The following COL8A1 variants were observed in gnomAD, a reference collection of about 807,000 sequenced individuals.
COL8A1 encodes the protein collagen type VIII alpha 1 chain.
In COL8A1, 21 loss-of-function variants were observed where a neutral mutation model predicts 42.7. That is an observed-to-expected ratio of 0.49 (90% CI 0.35 to 0.71). The LOEUF (loss-of-function observed/expected upper bound fraction) is 0.71, where lower values mean the gene tolerates loss of function less well. Ranked by LOEUF, COL8A1 falls within the 30% of genes least tolerant of loss-of-function variation. The probability of loss-of-function intolerance (pLI) is 0.01; values close to 1 mark genes in which losing one functional copy is unlikely to be tolerated. For synonymous variants in COL8A1, 367 were observed against 369.1 expected, an observed-to-expected ratio of 0.99 and a Z score of 0.06; for missense variants, 788 against 962.4, an observed-to-expected ratio of 0.82 and a Z score of 2.40.
intron 1 of COL8A1, among the ~76,000 whole-genome samples, chr3:99,739,597 A>T (rs932924308): frequency 6.6e-6 from 1 of 152,124 alleles, no homozygotes; most frequent in Non-Finnish European, 1.5e-5. Context: ...AAGCTGCCAA[A>T]GCTTGGGGTT....
chr3:99,672,833 T>C (rs1341706604), intron 1 of COL8A1, among the ~76,000 whole-genome samples: 1 of 152,048 alleles, frequency 6.6e-6, no homozygotes, highest in Non-Finnish European at 1.5e-5. Flanking sequence ...GGAAATTCCT[T>C]TTGGAGTAGT....
At chr3:99,707,652 G>A (rs983389689) in intron 1 of COL8A1, among the ~76,000 whole-genome samples, 3 of 152,144 alleles carry the variant, frequency 2.0e-5, no homozygotes, top group Non-Finnish European at 1.5e-5. Context: ...TTGGGCCCAC[G>A]CCCTGCCGAA....
chr3:99,661,987 AT>A (rs1472444547), intron 1 of COL8A1, among the ~76,000 whole-genome samples: 4 of 152,194 alleles, frequency 2.6e-5, no homozygotes, highest in African/African-American at 9.6e-5. Flanking sequence ...TTATTTTTAA[AT>A]GGGCATAGAG....
At chr3:99,710,779 A>G (rs1939812711) in intron 1 of COL8A1, among the ~76,000 whole-genome samples, 1 of 152,204 alleles carries the variant, frequency 6.6e-6, no homozygotes, top group Non-Finnish European at 1.5e-5. Context: ...ATTCACACAA[A>G]TGGCTAAGTG....
At chr3:99,659,504 G>A (rs903637991) in intron 1 of COL8A1, among the ~76,000 whole-genome samples, 4 of 152,130 alleles carry the variant, frequency 2.6e-5, no homozygotes, top group Admixed American at 2.6e-4. Flanking sequence ...ACTCCTCTGA[G>A]GAAAACAATA....
intron 1 of COL8A1, among the ~76,000 whole-genome samples, chr3:99,721,032 G>A (rs1241893037): frequency 6.6e-6 from 1 of 151,498 alleles, no homozygotes; most frequent in Admixed American, 6.6e-5. Flanking sequence ...AAGAAGGGGA[G>A]GAAAAGATGA....
At chr3:99,692,877 T>C (rs1266372009) in intron 1 of COL8A1, among the ~76,000 whole-genome samples, 2 of 152,236 alleles carry the variant, frequency 1.3e-5, no homozygotes, top group Non-Finnish European at 1.5e-5. Context: ...GTATTGCACA[T>C]GGCTGGACGC....
At chr3:99,697,185 A>G (rs1248082896) in intron 1 of COL8A1, among the ~76,000 whole-genome samples, 1 of 151,068 alleles carries the variant, frequency 6.6e-6, no homozygotes, top group Non-Finnish European at 1.5e-5. Context: ...ACGGGGTTTC[A>G]CCGTTTTAGC....
At chr3:99,689,747 GAAAAAC>G (rs769017512) in intron 1 of COL8A1, among the ~76,000 whole-genome samples, 10,611 of 152,102 alleles carry the variant, frequency 0.07, 530 homozygotes, top group Non-Finnish European at 0.089. Flanking sequence ...ATGATACTTT[GAAAAAC>G]ACAGACCTGG....
chr3:99,702,344 T>A (rs1022475908), intron 1 of COL8A1, among the ~76,000 whole-genome samples: 2 of 152,200 alleles, frequency 1.3e-5, no homozygotes, highest in African/African-American at 4.8e-5. Context: ...ATGCCGAACT[T>A]AACTTGCATC....
chr3:99,662,331 G>T (rs969373616), intron 1 of COL8A1, among the ~76,000 whole-genome samples: 3 of 148,186 alleles, frequency 2.0e-5, no homozygotes, highest in Non-Finnish European at 4.4e-5. Context: ...GCCCTGAGCC[G>T]ACATCACGCC....
intron 1 of COL8A1, among the ~76,000 whole-genome samples, chr3:99,646,392 A>G (rs1937640955): frequency 6.6e-6 from 1 of 152,162 alleles, no homozygotes; most frequent in Non-Finnish European, 1.5e-5. Flanking sequence ...TTTAATTTCA[A>G]AAACACCTTG....
chr3:99,692,247 A>T (rs2107335914), intron 1 of COL8A1, among the ~76,000 whole-genome samples: 1 of 152,348 alleles, frequency 6.6e-6, no homozygotes, highest in African/African-American at 2.4e-5. Flanking sequence ...GTTTTAATCA[A>T]TAACTCCTCA....
chr3:99,787,286 TAG>T (rs1941915288), intron 2 of COL8A1, among the ~76,000 whole-genome samples: 1 of 152,172 alleles, frequency 6.6e-6, no homozygotes, highest in Non-Finnish European at 1.5e-5. Context: ...TGCTCAAATA[TAG>T]GAAGCCATTT....
chr3:99,686,838 G>A (rs897258164), intron 1 of COL8A1, among the ~76,000 whole-genome samples: 1 of 152,000 alleles, frequency 6.6e-6, no homozygotes, highest in South Asian at 2.1e-4. Context: ...ACCATGCCTG[G>A]CTAATTTTTG....
chr3:99,689,466 C>T (rs1339395021), intron 1 of COL8A1, among the ~76,000 whole-genome samples: 2 of 152,172 alleles, frequency 1.3e-5, no homozygotes, highest in Non-Finnish European at 2.9e-5. Flanking sequence ...GATAGCATCT[C>T]TAAAAAGATA....
chr3:99,791,041 C>A lies in COL8A1; in HGVS notation c.328+31C>A, dbSNP rs549874524. On this transcript the variant is annotated intron_variant, in intron 3 of 3. Transcript: ENST00000652472. ...ATCATACTCCCAGGCTGTTATAAAA[C>A]AACAGCTTTCCAAATCTCTAAATTA... The A allele has an allele frequency of 3.6e-5, 55 of 1,544,048 alleles. 2 individuals carry two copies. The Middle Eastern group carries it at 8.6e-4, about 24-fold the overall frequency.
intron 1 of COL8A1, among the ~76,000 whole-genome samples, chr3:99,738,018 C>A (rs571909931): frequency 1.3e-5 from 2 of 152,218 alleles, no homozygotes; most frequent in South Asian, 2.1e-4. Flanking sequence ...TTGATCGCAT[C>A]GGCTCCTGAG....
At chr3:99,665,815 G>C (rs1234668989) in intron 1 of COL8A1, among the ~76,000 whole-genome samples, 1 of 150,458 alleles carries the variant, frequency 6.6e-6, no homozygotes, top group Non-Finnish European at 1.5e-5. Context: ...CCAGGTAGCT[G>C]GGATTACAGG....
Sources: allele counts gnomAD v4.1 joint callset (sites outside exome capture counted in the v4.1 genomes callset), GRCh38; gene constraint gnomAD v4.1.1; transcripts MANE v1.5; gene names NCBI Gene and HGNC (gene_info 2026-07-23, HGNC 2026-07-21).